SUCLG2: variants seen among roughly 807,000 people sequenced by gnomAD.
SUCLG2 encodes succinate--CoA ligase [GDP-forming] subunit beta, mitochondrial.
Under a neutral mutation model 47.9 loss-of-function variants are expected in SUCLG2, and 42 were observed. The observed-to-expected ratio is 0.88, with a 90% CI of 0.69 to 1.14. The LOEUF (loss-of-function observed/expected upper bound fraction) is 1.14, where lower values mean the gene tolerates loss of function less well. Ranked by LOEUF, SUCLG2 falls within the 50% of genes most tolerant of loss-of-function variation. The pLI, the probability that SUCLG2 is intolerant of heterozygous loss-of-function variation, is 0.00. For missense variants in SUCLG2, 571 were observed against 525.9 expected (o/e 1.09, Z -0.84); for synonymous variants, 195 against 197.3 (o/e 0.99, Z 0.10).
intron 9 of SUCLG2, chr3:67,408,595 G>A (rs7645948): frequency 1.9e-5 from 19 of 989,138 alleles, no homozygotes; most frequent in Non-Finnish European, 2.2e-5. Context: ...AGCAGTCAGG[G>A]GAACCTAGGG....
chr3:67,508,727 A>C (rs1224349343), intron 7 of SUCLG2, 80 bp downstream of exon 7: 2 of 1,057,724 alleles, frequency 1.9e-6, no homozygotes, highest in African/African-American at 3.3e-5. Context: ...AGCTGCTGCT[A>C]CAGTCTTTTG....
chr3:67,535,581 T>G (rs878891991), intron 2 of SUCLG2, among the ~76,000 whole-genome samples: 1 of 151,876 alleles, frequency 6.6e-6, no homozygotes, highest in Admixed American at 6.6e-5. Flanking sequence ...TAAAAGAAAA[T>G]TAAATTTAAA....
At chr3:67,631,234 G>T (rs9882327) in intron 1 of SUCLG2, among the ~76,000 whole-genome samples, 11 of 152,074 alleles carry the variant, frequency 7.2e-5, no homozygotes, top group African/African-American at 2.7e-4. Context: ...CCTGCTAGTC[G>T]TCCTCACTGG....
chr3:67,420,241 G>A (rs1703127168), intron 9 of SUCLG2, among the ~76,000 whole-genome samples: 1 of 152,158 alleles, frequency 6.6e-6, no homozygotes, highest in African/African-American at 2.4e-5. Flanking sequence ...CACAAGTCAG[G>A]TATCTCATCT....
rs193211790 is a variant in SUCLG2 at position 67,578,340 on chromosome 3, G to C, written c.226+31115C>G. Among the ~76,000 whole-genome samples the C allele has an allele frequency of 7.7e-3, 1,160 of 149,986 alleles. 10 individuals carry two copies. Among genetic ancestry groups the C allele is most frequent in the African/African-American group, 0.013 (546 of 40,896 alleles). On this transcript the variant is annotated intron_variant, in intron 2 of 10. Transcript: ENST00000307227. ...ATTTTAAAGCCTATTCTATATCCAAGAGGTAAAGAAATAGTGGCAACTAAT... is the reference window on the plus strand; with the variant it reads ...ATTTTAAAGCCTATTCTATATCCAACAGGTAAAGAAATAGTGGCAACTAAT...
intron 9 of SUCLG2, among the ~76,000 whole-genome samples, chr3:67,472,074 A>T (rs1218843390): frequency 6.6e-6 from 1 of 152,210 alleles, no homozygotes; most frequent in Non-Finnish European, 1.5e-5. Context: ...ACTGAAAAAA[A>T]AATCAAATCT....
chr3:67,379,708 T>A (rs1702111344), intron 10 of SUCLG2, among the ~76,000 whole-genome samples: 1 of 152,218 alleles, frequency 6.6e-6, no homozygotes, highest in South Asian at 2.1e-4. Flanking sequence ...CACCCAGAGC[T>A]CTGTTGGGCT....
chr3:67,540,405 C>T (rs770743894), intron 2 of SUCLG2, among the ~76,000 whole-genome samples: 10 of 151,954 alleles, frequency 6.6e-5, no homozygotes, highest in Non-Finnish European at 1.3e-4. Flanking sequence ...GTGGTTTTCC[C>T]CTAGTAGTAT....
chr3:67,497,887 G>A (rs1705388981), intron 8 of SUCLG2, among the ~76,000 whole-genome samples: 1 of 152,136 alleles, frequency 6.6e-6, no homozygotes, highest in Admixed American at 6.5e-5. Flanking sequence ...ATCTTATGAT[G>A]TACAGGACAG....
chr3:67,609,393 G>A (rs2290173), intron 2 of SUCLG2, 62 bp downstream of exon 2: 688,710 of 1,548,622 alleles, frequency 0.44, 156,970 homozygotes, highest in African/African-American at 0.65. Context: ...CTAGTGGGAA[G>A]CCACTACCTG....
At chr3:67,424,544 G>T (rs1297876827) in intron 9 of SUCLG2, among the ~76,000 whole-genome samples, 1 of 152,120 alleles carries the variant, frequency 6.6e-6, no homozygotes, top group Non-Finnish European at 1.5e-5. Flanking sequence ...CAACATACTA[G>T]CTATACCCAT....
intron 7 of SUCLG2, among the ~76,000 whole-genome samples, chr3:67,508,029 G>GA (rs1198110213): frequency 6.6e-6 from 1 of 152,192 alleles, no homozygotes; most frequent in Non-Finnish European, 1.5e-5. Context: ...CTGTATGCAA[G>GA]AAACAGTGCA....
intron 2 of SUCLG2, among the ~76,000 whole-genome samples, chr3:67,560,047 T>C (rs116430848): frequency 0.011 from 1,602 of 152,254 alleles, 20 homozygotes; most frequent in East Asian, 0.05. Flanking sequence ...AAAAATTAAA[T>C]CTTTAAAATA....
intron 9 of SUCLG2, among the ~76,000 whole-genome samples, chr3:67,454,930 C>A (rs1285961403): frequency 1.4e-5 from 2 of 147,060 alleles, no homozygotes; most frequent in Non-Finnish European, 3.0e-5. Flanking sequence ...CCACTGCACT[C>A]CAGCCTGGGC....
intron 7 of SUCLG2, among the ~76,000 whole-genome samples, chr3:67,501,064 A>G (rs1241729955): frequency 1.3e-5 from 2 of 152,218 alleles, no homozygotes; most frequent in Non-Finnish European, 2.9e-5. Context: ...CAGAGCTTCA[A>G]GATGGTGACT....
chr3:67,365,085 G>T (rs1701857780), intron 10 of SUCLG2, among the ~76,000 whole-genome samples: 1 of 152,166 alleles, frequency 6.6e-6, no homozygotes, highest in South Asian at 2.1e-4. Context: ...CTGGAAGACA[G>T]AATGATAGAA....
intron 1 of SUCLG2, among the ~76,000 whole-genome samples, chr3:67,649,619 G>C (rs1701251954): frequency 6.6e-6 from 1 of 152,090 alleles, no homozygotes; most frequent in Non-Finnish European, 1.5e-5. Flanking sequence ...CTCTGCCTCT[G>C]CATGAATTCA....
intron 1 of SUCLG2, among the ~76,000 whole-genome samples, chr3:67,640,959 G>A (rs1701091481): frequency 2.6e-5 from 4 of 152,058 alleles, no homozygotes; most frequent in Admixed American, 2.6e-4. Flanking sequence ...TTTAACCTTG[G>A]GTGAGCTGTC....
At chr3:67,448,959 T>C (rs756240886) in intron 9 of SUCLG2, among the ~76,000 whole-genome samples, 4 of 152,202 alleles carry the variant, frequency 2.6e-5, no homozygotes, top group Admixed American at 6.5e-5. Context: ...ATTGTAACAA[T>C]AGACAGATGG....
Sources: gnomAD v4.1 joint callset for allele counts (sites outside exome capture counted in the v4.1 genomes callset) on GRCh38, gnomAD v4.1.1 for gene constraint, MANE v1.5 for transcripts, NCBI Gene and HGNC (gene_info 2026-07-23, HGNC 2026-07-21) for gene names.